The following KCNQ1OT1 variants were observed in gnomAD, a reference collection of about 807,000 sequenced individuals.
KCNQ1OT1 encodes the protein KCNQ1 antisense RNA 2 (non-protein coding).
In KCNQ1OT1 at chr11:2,653,924, A is replaced by G; in HGVS notation, n.46071T>C. Reference sequence around the variant, plus strand: ...ATTTGAGAAGCTGTTCCCAGAAGCCAGGCCTGGCTGCTGGCAGGCAAAAAC... The same window carrying G: ...ATTTGAGAAGCTGTTCCCAGAAGCCGGGCCTGGCTGCTGGCAGGCAAAAAC... On this transcript the variant is annotated non_coding_transcript_exon_variant, in exon 1 of 1. Coordinates refer to ENST00000597346, the Ensembl canonical transcript of KCNQ1OT1. The surrounding 1 kb of genome is among the most constrained non-coding windows in gnomAD (Gnocchi z 5.3). 1 of 398,750 alleles carries G rather than the reference A, an allele frequency of 2.5e-6. No homozygotes were observed. Among genetic ancestry groups the G allele is most frequent in the Non-Finnish European group, 4.4e-6 (1 of 226,138 alleles). 24.7% of individuals were successfully genotyped at this position (398,750 alleles called of 1,614,324 possible). A position where few individuals can be genotyped will look rare whatever the true frequency, so the allele number is the denominator to read the frequency against.
At chr11:2,648,879 G>A in exon 1 of KCNQ1OT1, 1 of 397,812 alleles carries the variant, frequency 2.5e-6, no homozygotes, top group Non-Finnish European at 4.4e-6. Flanking sequence ...ATATACCTGG[G>A]TACTCCAGTG....
rs1850328336 is a variant in KCNQ1OT1 at position 2,678,316 on chromosome 11, A to G, written n.21679T>C. On this transcript the variant is annotated non_coding_transcript_exon_variant, in exon 1 of 1. Coordinates refer to ENST00000597346, the Ensembl canonical transcript of KCNQ1OT1. The surrounding 1 kb of genome is among the most constrained non-coding windows in gnomAD (Gnocchi z 4.9). ...TCCATGTTTTCTTCTATCATTTTTT[A>G]TTTCATTTTTTACATTTAAATCCTT... The G allele has an allele frequency of 2.5e-6, 1 of 398,150 alleles. No homozygotes were observed. The highest frequency in any genetic ancestry group is 4.4e-6 in the Non-Finnish European group (1 of 225,962). 24.7% of individuals were successfully genotyped at this position (398,150 alleles called of 1,614,324 possible).
exon 1 of KCNQ1OT1, chr11:2,628,604 T>C (rs1366743502): frequency 1.0e-5 from 4 of 398,366 alleles, no homozygotes; most frequent in African/African-American, 6.2e-5. Flanking sequence ...CTTTTCATTT[T>C]GTTGTTTCCT....
At chr11:2,637,592 C>A (rs1159519213) in exon 1 of KCNQ1OT1, 1 of 152,192 alleles carries the variant, frequency 6.6e-6, no homozygotes, top group East Asian at 1.9e-4. Context: ...CTGAGGAGTG[C>A]TTTACTTCCA....
chr11:2,657,968 G>A lies in KCNQ1OT1; in HGVS notation n.42027C>T, dbSNP rs72850253. On this transcript the variant is annotated non_coding_transcript_exon_variant, in exon 1 of 1. Transcript: ENST00000597346. This position sits in a 1 kb window ranked among gnomAD's most constrained non-coding sequence, Gnocchi z 4.8. Reference sequence around the variant, plus strand: ...AACCTTGAGCCACTCGTTTAAAGTGGTGTCGGCCAGGCTCCTCCACTGTAA... The same window carrying A: ...AACCTTGAGCCACTCGTTTAAAGTGATGTCGGCCAGGCTCCTCCACTGTAA... The A allele has an allele frequency of 0.016, 6,386 of 398,560 alleles. 72 individuals carry two copies. Among genetic ancestry groups the A allele is most frequent in the Non-Finnish European group, 0.023 (5,272 of 226,048 alleles). The allele number at this position is 398,560 out of a possible 1,614,324, so 24.7% of individuals were successfully genotyped here.
exon 1 of KCNQ1OT1, chr11:2,631,099 T>C (rs1849345429): frequency 2.5e-6 from 1 of 398,592 alleles, no homozygotes; most frequent in South Asian, 1.3e-4. Context: ...TTGAGCTTCA[T>C]GTACCTAGAT....
At chr11:2,638,669 T>G (rs993660693) in exon 1 of KCNQ1OT1, 1 of 152,154 alleles carries the variant, frequency 6.6e-6, no homozygotes, top group East Asian at 1.9e-4. Context: ...TTGCTCTTCT[T>G]GAGGAGTATC....
chr11:2,662,390 G>A (rs1434834994), exon 1 of KCNQ1OT1: 1 of 503,580 alleles, frequency 2.0e-6, no homozygotes, highest in Non-Finnish European at 3.5e-6. Context: ...CCCCTCCCCT[G>A]CCCCCCAAAA....
Position 2,682,096 on chromosome 11 carries a change from A to G in KCNQ1OT1, n.17899T>C. On this transcript the variant is annotated non_coding_transcript_exon_variant, in exon 1 of 1. Coordinates refer to ENST00000597346, the Ensembl canonical transcript of KCNQ1OT1. This position sits in a 1 kb window ranked among gnomAD's most constrained non-coding sequence, Gnocchi z 5.8. ...TTGAGTCTAGGGCCCAGGGTCACAA[A>G]GCTAGGGAGCCGTGGATCTGCAGGA... The G allele has an allele frequency of 2.5e-6, 1 of 398,634 alleles. No individual in the cohort carries two copies. The highest frequency in any genetic ancestry group is 4.4e-6 in the Non-Finnish European group (1 of 226,082). The allele number at this position is 398,634 out of a possible 1,614,324, so 24.7% of individuals were successfully genotyped here. A position where few individuals can be genotyped will look rare whatever the true frequency, so the allele number is the denominator to read the frequency against.
rs1425700255 is a variant in KCNQ1OT1 at position 2,654,234 on chromosome 11, C to A, written n.45761G>T. 6 of 398,546 alleles carry A rather than the reference C, an allele frequency of 1.5e-5. No homozygotes were observed. The highest frequency in any genetic ancestry group is 2.7e-5 in the Non-Finnish European group (6 of 226,174). The allele number at this position is 398,546 out of a possible 1,614,324, so 24.7% of individuals were successfully genotyped here. A position where few individuals can be genotyped will look rare whatever the true frequency, so the allele number is the denominator to read the frequency against. ...GCCTGGCTGCAGCTGTCCGGATGCC[C>A]CTGGGGAGGGCTTCTCCTTCACAGT... On this transcript the variant is annotated non_coding_transcript_exon_variant, in exon 1 of 1. Transcript: ENST00000597346. This position sits in a 1 kb window ranked among gnomAD's most constrained non-coding sequence, Gnocchi z 6.4.
chr11:2,627,588 A>G lies in KCNQ1OT1; in HGVS notation n.72407T>C, dbSNP rs921722541. 2.0e-5 allele frequency: 8 copies of G among 398,392 alleles called. No individual in the cohort carries two copies. The highest frequency in any genetic ancestry group is 4.4e-5 in the Admixed American group (1 of 22,706). The allele number at this position is 398,392 out of a possible 1,614,324, so 24.7% of individuals were successfully genotyped here. A position where few individuals can be genotyped will look rare whatever the true frequency, so the allele number is the denominator to read the frequency against. ...GTGTCTGGCTATTTCACTTAGCATAATATCCTCCAGGTTCATCTATGTTGT... is the reference window on the plus strand; with the variant it reads ...GTGTCTGGCTATTTCACTTAGCATAGTATCCTCCAGGTTCATCTATGTTGT... On this transcript the variant is annotated non_coding_transcript_exon_variant, in exon 1 of 1. Coordinates refer to ENST00000597346, the Ensembl canonical transcript of KCNQ1OT1. This position sits in a 1 kb window ranked among gnomAD's most constrained non-coding sequence, Gnocchi z 4.9.
At chr11:2,631,501 C>T (rs1030909159) in exon 1 of KCNQ1OT1, 4 of 396,748 alleles carry the variant, frequency 1.0e-5, no homozygotes, top group African/African-American at 8.4e-5. Context: ...GGTTGTCTCT[C>T]TGTTCTCTGG....
chr11:2,668,170 C>G lies in KCNQ1OT1; in HGVS notation n.31825G>C, dbSNP rs1850117604. 5.0e-6 allele frequency: 2 copies of G among 398,550 alleles called. No individual in the cohort carries two copies. The highest frequency in any genetic ancestry group is 4.1e-5 in the African/African-American group (2 of 48,622). 24.7% of individuals were successfully genotyped at this position (398,550 alleles called of 1,614,324 possible). A position where few individuals can be genotyped will look rare whatever the true frequency, so the allele number is the denominator to read the frequency against. Reference sequence around the variant, plus strand: ...GGAGAGTGCTCCCTCATGCTCCTTGCTGACTGGTGCTCCATTGTGTGCATG... The same window carrying G: ...GGAGAGTGCTCCCTCATGCTCCTTGGTGACTGGTGCTCCATTGTGTGCATG... On this transcript the variant is annotated non_coding_transcript_exon_variant, in exon 1 of 1. Coordinates refer to ENST00000597346, the Ensembl canonical transcript of KCNQ1OT1. The surrounding 1 kb of genome is among the most constrained non-coding windows in gnomAD (Gnocchi z 4.3).
In KCNQ1OT1 at chr11:2,645,065, C is replaced by G; in HGVS notation, n.54930G>C. The G allele has an allele frequency of 2.5e-6, 1 of 398,678 alleles. No homozygotes were observed. The highest frequency in any genetic ancestry group is 4.4e-6 in the Non-Finnish European group (1 of 226,164). 24.7% of individuals were successfully genotyped at this position (398,678 alleles called of 1,614,324 possible). On this transcript the variant is annotated non_coding_transcript_exon_variant, in exon 1 of 1. Transcript: ENST00000597346. This position sits in a 1 kb window ranked among gnomAD's most constrained non-coding sequence, Gnocchi z 5.8. ...TGCTCAGGTGCCAATGATGACAGAG[C>G]TGGGCCACAGGGTGGGTAGGTCCTT...
rs531870130 is a variant in KCNQ1OT1 at position 2,653,898 on chromosome 11, G to A, written n.46097C>T. 16 of 398,724 alleles carry A rather than the reference G, an allele frequency of 4.0e-5. No homozygotes were observed. The highest frequency in any genetic ancestry group is 3.1e-4 in the African/African-American group (15 of 48,766). The allele number at this position is 398,724 out of a possible 1,614,324, so 24.7% of individuals were successfully genotyped here. A position where few individuals can be genotyped will look rare whatever the true frequency, so the allele number is the denominator to read the frequency against. On this transcript the variant is annotated non_coding_transcript_exon_variant, in exon 1 of 1. Coordinates refer to ENST00000597346, the Ensembl canonical transcript of KCNQ1OT1. This position sits in a 1 kb window ranked among gnomAD's most constrained non-coding sequence, Gnocchi z 5.3. ...GGGAAAGGAAGAGCCCCCTAAGGAAGATTTGAGAAGCTGTTCCCAGAAGCC... is the reference window on the plus strand; with the variant it reads ...GGGAAAGGAAGAGCCCCCTAAGGAAAATTTGAGAAGCTGTTCCCAGAAGCC...
At chr11:2,643,557 G>A (rs887189641) in exon 1 of KCNQ1OT1, 29 of 398,370 alleles carry the variant, frequency 7.3e-5, no homozygotes, top group Middle Eastern at 6.3e-4. Flanking sequence ...GGTGAGATGC[G>A]TTTCTTGTAG....
In KCNQ1OT1 at chr11:2,687,794, C is replaced by G. The variant is rs1033259737; in HGVS notation, n.12201G>C. On this transcript the variant is annotated non_coding_transcript_exon_variant, in exon 1 of 1. Coordinates refer to ENST00000597346, the Ensembl canonical transcript of KCNQ1OT1. The surrounding 1 kb of genome is among the most constrained non-coding windows in gnomAD (Gnocchi z 5.0). ...CAGGCCTAACCACACCCCTAAGCCA[C>G]CCAGCCTGGCCCCCCTCCTCTGCCC... is the stretch of plus-strand genomic sequence containing the variant. 2.5e-6 allele frequency: 1 copy of G among 398,684 alleles called. No homozygotes were observed. Among genetic ancestry groups the G allele is most frequent in the Non-Finnish European group, 4.4e-6 (1 of 226,164 alleles). The allele number at this position is 398,684 out of a possible 1,614,324, so 24.7% of individuals were successfully genotyped here.
chr11:2,613,475 C>G lies in KCNQ1OT1; in HGVS notation n.86520G>C, dbSNP rs1849013141. 1 of 398,450 alleles carries G rather than the reference C, an allele frequency of 2.5e-6. No homozygotes were observed. Among genetic ancestry groups the G allele is most frequent in the South Asian group, 1.3e-4 (1 of 7,852 alleles). The allele number at this position is 398,450 out of a possible 1,614,324, so 24.7% of individuals were successfully genotyped here. A position where few individuals can be genotyped will look rare whatever the true frequency, so the allele number is the denominator to read the frequency against. On this transcript the variant is annotated non_coding_transcript_exon_variant, in exon 1 of 1. Coordinates refer to ENST00000597346, the Ensembl canonical transcript of KCNQ1OT1. The surrounding 1 kb of genome is among the most constrained non-coding windows in gnomAD (Gnocchi z 4.8). ...AAAATCAGATGAGCCTTCTTTGTTGCTGGTCCTCAAGCCTACCGTGCCCCT... is the reference window on the plus strand; with the variant it reads ...AAAATCAGATGAGCCTTCTTTGTTGGTGGTCCTCAAGCCTACCGTGCCCCT...
chr11:2,649,194 T>C, exon 1 of KCNQ1OT1: 1 of 398,294 alleles, frequency 2.5e-6, no homozygotes, highest in Non-Finnish European at 4.4e-6. Flanking sequence ...ATTTGGGAAA[T>C]TTAAATTACC....
Sources: allele counts gnomAD v4.1 joint callset, GRCh38; gene constraint gnomAD v4.1.1; non-coding constraint Gnocchi (gnomAD v3.1); transcripts MANE v1.5; gene names NCBI Gene and HGNC (gene_info 2026-07-23, HGNC 2026-07-21).